Variants in CTNND2 observed in about 807,000 individuals in gnomAD.
CTNND2 encodes the protein catenin delta 2.
CTNND2 carries 22 observed loss-of-function variants against 144.4 expected under a neutral mutation model. That is an observed-to-expected ratio of 0.15 (90% CI 0.11 to 0.22). The LOEUF is 0.22. Among genes scored for constraint, CTNND2 ranks in the 10% least tolerant of loss-of-function variants. The pLI, the probability that CTNND2 is intolerant of heterozygous loss-of-function variation, is 1.00. For synonymous variants in CTNND2, 751 were observed against 695.6 expected (o/e 1.08, Z -1.25); for missense variants, 1,353 against 1,618.8 (o/e 0.84, Z 2.82).
At chr5:11,894,861 A>G (rs137983207) in intron 1 of CTNND2, among the ~76,000 whole-genome samples, 1 of 152,158 alleles carries the variant, frequency 6.6e-6, no homozygotes. Context: ...AAGCAAAGAA[A>G]CCTTGGTTCA....
intron 1 of CTNND2, among the ~76,000 whole-genome samples, chr5:11,873,027 C>T (rs1001631596): frequency 1.3e-5 from 2 of 152,142 alleles, no homozygotes; most frequent in Admixed American, 6.5e-5. Context: ...AGAGCTTCTG[C>T]GCAGCAAAAG....
intron 3 of CTNND2, among the ~76,000 whole-genome samples, chr5:11,552,739 G>A (rs919870989): frequency 1.2e-4 from 19 of 152,298 alleles, no homozygotes; most frequent in South Asian, 4.1e-4. Flanking sequence ...TTGGAATCAT[G>A]TTCATGGTGG....
intron 12 of CTNND2, among the ~76,000 whole-genome samples, chr5:11,121,684 T>C (rs1293588480): frequency 6.6e-6 from 1 of 152,214 alleles, no homozygotes; most frequent in Non-Finnish European, 1.5e-5. Context: ...TGAAATCTCA[T>C]TTCTTTGAAT....
rs151144812 is a variant in CTNND2 at position 11,267,270 on chromosome 5, C to T, written c.1629-30447G>A. On this transcript the variant is annotated intron_variant, in intron 9 of 21. Transcript: ENST00000304623. ...GATTCTCCCCACGTGGAGCTAACGG[C>T]TAATCCTCAGTGATGGCTGATGGCT... Among the ~76,000 whole-genome samples, 1,410 of 152,294 alleles carry T rather than the reference C, an allele frequency of 9.3e-3. 30 individuals are homozygous for T. Among genetic ancestry groups the T allele is most frequent in the Admixed American group, 0.037 (567 of 15,294 alleles).
chr5:11,249,247 T>C (rs1743320183), intron 9 of CTNND2, among the ~76,000 whole-genome samples: 1 of 152,202 alleles, frequency 6.6e-6, no homozygotes, highest in South Asian at 2.1e-4. Context: ...CTGCTAGCAA[T>C]GTCACTGCCA....
intron 7 of CTNND2, among the ~76,000 whole-genome samples, chr5:11,368,928 A>G (rs1757214955): frequency 1.3e-5 from 2 of 152,202 alleles, no homozygotes. Flanking sequence ...AGCCACATCA[A>G]AATAGGTGTC....
intron 3 of CTNND2, among the ~76,000 whole-genome samples, chr5:11,441,367 G>GGTTTTTTTTTT: frequency 7.4e-6 from 1 of 135,830 alleles, no homozygotes; most frequent in African/African-American, 3.0e-5. Context: ...TCCAATGTGG[G>GGTTTTTTTTTT]ATTTTTTTTT....
At chr5:11,445,724 T>TA (rs1764738468) in intron 3 of CTNND2, among the ~76,000 whole-genome samples, 1 of 152,250 alleles carries the variant, frequency 6.6e-6, no homozygotes, top group Admixed American at 6.5e-5. Flanking sequence ...AACAATCATA[T>TA]AGCGGGGCTG....
chr5:11,369,883 G>A (rs895703979), intron 7 of CTNND2, among the ~76,000 whole-genome samples: 4 of 152,160 alleles, frequency 2.6e-5, no homozygotes, highest in African/African-American at 7.2e-5. Flanking sequence ...TGGTTCTCAG[G>A]CGGAGGGAAC....
chr5:11,297,078 T>C (rs1561172960), intron 9 of CTNND2, among the ~76,000 whole-genome samples: 1 of 152,204 alleles, frequency 6.6e-6, no homozygotes, highest in African/African-American at 2.4e-5. Context: ...TATAATGAAC[T>C]GTGTCAACAT....
chr5:11,543,524 G>A (rs1449159751), intron 3 of CTNND2, among the ~76,000 whole-genome samples: 1 of 152,006 alleles, frequency 6.6e-6, no homozygotes, highest in East Asian at 1.9e-4. Flanking sequence ...CAATGAATTA[G>A]GTCAACTTCT....
intron 7 of CTNND2, among the ~76,000 whole-genome samples, chr5:11,383,494 C>G (rs1005471175): frequency 1.2e-4 from 19 of 152,104 alleles, no homozygotes; most frequent in African/African-American, 4.1e-4. Context: ...GAGAGAGAGG[C>G]AGTGAGTGAG....
chr5:11,501,804 T>A (rs249245), intron 3 of CTNND2, among the ~76,000 whole-genome samples: 1 of 151,676 alleles, frequency 6.6e-6, no homozygotes, highest in East Asian at 2.0e-4. Flanking sequence ...GTCGGGAGAT[T>A]GAGACCATCC....
At chr5:11,328,131 G>C (rs1017385481) in intron 9 of CTNND2, among the ~76,000 whole-genome samples, 1 of 152,012 alleles carries the variant, frequency 6.6e-6, no homozygotes, top group African/African-American at 2.4e-5. Context: ...ACATTAGGTT[G>C]ATTTATACAT....
intron 2 of CTNND2, among the ~76,000 whole-genome samples, chr5:11,653,256 T>C (rs1046131025): frequency 1.3e-5 from 2 of 152,134 alleles, no homozygotes; most frequent in African/African-American, 4.8e-5. Context: ...TTTTTAATAG[T>C]CCCACATATA....
At chr5:11,542,566 A>G (rs1020895990) in intron 3 of CTNND2, among the ~76,000 whole-genome samples, 1 of 152,240 alleles carries the variant, frequency 6.6e-6, no homozygotes, top group East Asian at 1.9e-4. Context: ...TCCTATTTAA[A>G]TAATGAGAAG....
intron 1 of CTNND2, among the ~76,000 whole-genome samples, chr5:11,818,076 G>A (rs1353436204): frequency 7.9e-6 from 1 of 126,144 alleles, no homozygotes; most frequent in African/African-American, 3.4e-5. Flanking sequence ...ACGTTCATTT[G>A]GTAGGTTCTA....
At chr5:11,610,057 G>A (rs1466073719) in intron 2 of CTNND2, among the ~76,000 whole-genome samples, 3 of 152,262 alleles carry the variant, frequency 2.0e-5, no homozygotes, top group African/African-American at 4.8e-5. Flanking sequence ...TATAAGTGCC[G>A]ATGACAAAGA....
At position 11,629,735 on chromosome 5, in the gene CTNND2, A is replaced by G. The variant is rs536273875; in HGVS notation, c.175-64679T>C. 3.3e-5 allele frequency among the ~76,000 whole-genome samples: 5 copies of G among 152,156 alleles called. No individual in the cohort carries two copies. In the East Asian group the frequency reaches 9.7e-4, roughly 29 times the overall value. On this transcript the variant is annotated intron_variant, in intron 2 of 21. Coordinates refer to ENST00000304623, the MANE Select transcript of CTNND2 (RefSeq NM_001332.4). Reference sequence around the variant, plus strand: ...GCCTAGGCTGGAGTGCAGTAGTGCCATCATAGCTCACTGCATCCTTGAACT... The same window carrying G: ...GCCTAGGCTGGAGTGCAGTAGTGCCGTCATAGCTCACTGCATCCTTGAACT...
Sources: gnomAD v4.1 joint callset for allele counts (sites outside exome capture counted in the v4.1 genomes callset) on GRCh38, gnomAD v4.1.1 for gene constraint, MANE v1.5 for transcripts, NCBI Gene and HGNC (gene_info 2026-07-23, HGNC 2026-07-21) for gene names.